The following DAB1 variants were observed in gnomAD, a reference collection of about 807,000 sequenced individuals.
The protein encoded by DAB1 is disabled homolog 1.
Under a neutral mutation model 64.6 loss-of-function variants are expected in DAB1, and 15 were observed. The observed-to-expected ratio is 0.23, with a 90% confidence interval of 0.16 to 0.36. The LOEUF is 0.36. Among genes scored for constraint, DAB1 ranks in the 10% least tolerant of loss-of-function variants. The pLI is 1.00. For synonymous variants in DAB1, 235 were observed against 251.9 expected (o/e 0.93, Z 0.64); for missense variants, 596 against 706.7 (o/e 0.84, Z 1.78).
intron 4 of DAB1, among the ~76,000 whole-genome samples, chr1:58,189,063 A>G (rs956127743): frequency 6.6e-6 from 1 of 151,980 alleles, no homozygotes; most frequent in Admixed American, 6.6e-5. Context: ...TTGCCTTTGC[A>G]CCCCCCACCC....
chr1:58,074,035 A>G (rs1036239983), intron 5 of DAB1, among the ~76,000 whole-genome samples: 30 of 152,160 alleles, frequency 2.0e-4, no homozygotes, highest in African/African-American at 7.0e-4. Flanking sequence ...GTTCAAACCA[A>G]CCTTGAGTTC....
chr1:57,079,105 T>C (rs557371738), intron 4 of DAB1, among the ~76,000 whole-genome samples: 1 of 152,294 alleles, frequency 6.6e-6, no homozygotes, highest in East Asian at 1.9e-4. Flanking sequence ...AATATGATCC[T>C]GTTTTTGAAA....
intron 7 of DAB1, among the ~76,000 whole-genome samples, chr1:57,566,226 A>G (rs1645118637): frequency 6.6e-6 from 1 of 152,230 alleles, no homozygotes; most frequent in African/African-American, 2.4e-5. Context: ...TTTGAAACCA[A>G]TGAGAACAAA....
chr1:57,739,971 G>T (rs1647900392), intron 6 of DAB1, among the ~76,000 whole-genome samples: 1 of 147,978 alleles, frequency 6.8e-6, no homozygotes, highest in Admixed American at 6.8e-5. Context: ...AAGGCAGGTG[G>T]ATCACTTGAG....
At chr1:57,801,547 C>T (rs1323840) in intron 6 of DAB1, among the ~76,000 whole-genome samples, 27,951 of 152,208 alleles carry the variant, frequency 0.18, 2,841 homozygotes, top group Admixed American at 0.31. Context: ...TATATCTTCC[C>T]TTTACCTATT....
At chr1:57,800,831 T>A (rs1195516171) in intron 6 of DAB1, among the ~76,000 whole-genome samples, 3 of 152,188 alleles carry the variant, frequency 2.0e-5, no homozygotes, top group African/African-American at 7.2e-5. Flanking sequence ...AGTGCTACCC[T>A]TAAAGTAGGA....
intron 1 of DAB1, among the ~76,000 whole-genome samples, chr1:57,394,728 T>A (rs1199937100): frequency 2.0e-5 from 3 of 152,214 alleles, no homozygotes; most frequent in Non-Finnish European, 4.4e-5. Flanking sequence ...AATTTTTAAA[T>A]GTCAAACATA....
At chr1:58,377,388 C>T (rs1483034036) in intron 3 of DAB1, among the ~76,000 whole-genome samples, 2 of 141,500 alleles carry the variant, frequency 1.4e-5, no homozygotes, top group East Asian at 2.1e-4. Flanking sequence ...GTGACAAAAT[C>T]GGTCAGCATT....
chr1:58,208,322 G>A (rs1658382753), intron 4 of DAB1, among the ~76,000 whole-genome samples: 1 of 152,026 alleles, frequency 6.6e-6, no homozygotes, highest in Admixed American at 6.5e-5. Flanking sequence ...AGGTTTTGGG[G>A]AAACAGGTGG....
intron 5 of DAB1, among the ~76,000 whole-genome samples, chr1:58,086,221 CCAAAGTG>C (rs1322545178): frequency 2.0e-5 from 3 of 151,994 alleles, no homozygotes; most frequent in Non-Finnish European, 4.4e-5. Flanking sequence ...CCTCGGCCTC[CCAAAGTG>C]CTGGGATTAC....
At chr1:58,254,189 C>A (rs2100409449) in intron 4 of DAB1, among the ~76,000 whole-genome samples, 1 of 152,158 alleles carries the variant, frequency 6.6e-6, no homozygotes, top group South Asian at 2.1e-4. Context: ...AGTATAAAGA[C>A]AATGGGAATG....
intron 7 of DAB1, among the ~76,000 whole-genome samples, chr1:57,531,366 C>T (rs1368708997): frequency 6.6e-6 from 1 of 152,110 alleles, no homozygotes; most frequent in Admixed American, 6.6e-5. Context: ...CTGCCCCACC[C>T]CTATCTTCCT....
chr1:57,888,533 A>G (rs769687559), upstream of DAB1, among the ~76,000 whole-genome samples: 2 of 152,190 alleles, frequency 1.3e-5, no homozygotes, highest in Non-Finnish European at 2.9e-5. Context: ...TAGAAGACAC[A>G]ATTTTTGGCC....
intron 2 of DAB1, among the ~76,000 whole-genome samples, chr1:57,151,754 T>C (rs1659688756): frequency 6.6e-6 from 1 of 151,984 alleles, no homozygotes; most frequent in East Asian, 1.9e-4. Flanking sequence ...GATACTTTCA[T>C]AGACTTCAAC....
chr1:57,309,952 C>T (rs932683578), intron 1 of DAB1, among the ~76,000 whole-genome samples: 1 of 152,148 alleles, frequency 6.6e-6, no homozygotes, highest in Non-Finnish European at 1.5e-5. Flanking sequence ...CTGCCACAAA[C>T]ATCATCAGGG....
intron 7 of DAB1, among the ~76,000 whole-genome samples, chr1:57,514,425 T>C (rs1304235725): frequency 1.3e-5 from 2 of 152,208 alleles, no homozygotes; most frequent in African/African-American, 4.8e-5. Flanking sequence ...TTCTCTGATG[T>C]TTAGTCATGT....
chr1:58,165,855 T>C (rs901458712), intron 4 of DAB1, among the ~76,000 whole-genome samples: 6 of 152,212 alleles, frequency 3.9e-5, no homozygotes, highest in Admixed American at 1.3e-4. Flanking sequence ...TCATTGATTG[T>C]GGGCTTACTG....
At chr1:57,465,431 C>A (rs1686924000) in intron 7 of DAB1, among the ~76,000 whole-genome samples, 1 of 152,114 alleles carries the variant, frequency 6.6e-6, no homozygotes, top group African/African-American at 2.4e-5. Context: ...ATTCCCTGAA[C>A]AAATGAATGA....
chr1:57,604,086 C>A (rs1645606824), intron 7 of DAB1, among the ~76,000 whole-genome samples: 1 of 152,212 alleles, frequency 6.6e-6, no homozygotes, highest in African/African-American at 2.4e-5. Flanking sequence ...CTTCCTGTCA[C>A]CTCAATGGGT....
Sources: allele counts gnomAD v4.1 joint callset (sites outside exome capture counted in the v4.1 genomes callset), GRCh38; gene constraint gnomAD v4.1.1; transcripts MANE v1.5; gene names NCBI Gene and HGNC (gene_info 2026-07-23, HGNC 2026-07-21).